NTAQ1: variants seen among roughly 807,000 people sequenced by gnomAD.
The protein encoded by NTAQ1 is N-terminal glutamine amidase 1.
In NTAQ1, 21 loss-of-function variants were observed where a neutral mutation model predicts 28.2. That is an observed-to-expected ratio of 0.74 (90% CI 0.53 to 1.07). The LOEUF (loss-of-function observed/expected upper bound fraction) is 1.07, where lower values mean the gene tolerates loss of function less well. Ranked by LOEUF, NTAQ1 falls within the 50% of genes least tolerant of loss-of-function variation. The probability of loss-of-function intolerance (pLI) is 0.00; values close to 1 mark genes in which losing one functional copy is unlikely to be tolerated. For missense variants in NTAQ1, 264 were observed against 256.6 expected, an observed-to-expected ratio of 1.03 and a Z score of -0.20; for synonymous variants, 105 against 90.0, an observed-to-expected ratio of 1.17 and a Z score of -0.94.
In NTAQ1 at chr8:123,427,294, C is replaced by T. The variant is rs1814119331; in HGVS notation, c.84-630C>T. 2.4e-5 allele frequency among the ~76,000 whole-genome samples: 3 copies of T among 127,616 alleles called. No individual in the cohort carries two copies. The South Asian group carries it at 7.8e-4, about 33-fold the overall frequency. 83.7% of individuals were successfully genotyped at this position (127,616 alleles called of 152,430 possible). On this transcript the variant is annotated intron_variant, in intron 1 of 5. Coordinates refer to ENST00000287387, the MANE Select transcript of NTAQ1 (RefSeq NM_018024.3). ...TGAGTTGGAGTCTTGCTCTGTTGTC[C>T]AGGCTAGAGTGCAGTGGTGTGATCT...
intron 1 of NTAQ1, 22 bp downstream of exon 1, chr8:123,416,954 C>A: frequency 6.9e-7 from 1 of 1,449,942 alleles, no homozygotes; most frequent in Non-Finnish European, 9.1e-7. Flanking sequence ...CGGGCGCAGC[C>A]TCTGGGTCTC....
chr8:123,439,437 G>A (rs1814915682), intron 5 of NTAQ1, among the ~76,000 whole-genome samples: 1 of 151,696 alleles, frequency 6.6e-6, no homozygotes, highest in African/African-American at 2.4e-5. Context: ...CCGCCTCCCG[G>A]GTTCATGCCA....
At chr8:123,470,400 G>T (rs1275696775), downstream of NTAQ1, among the ~76,000 whole-genome samples, 1 of 152,200 alleles carries the variant, frequency 6.6e-6, no homozygotes, top group South Asian at 2.1e-4. Flanking sequence ...TGAGATGGAC[G>T]CATTTTATAA....
chr8:123,427,744 A>G (rs1307008551), intron 1 of NTAQ1, among the ~76,000 whole-genome samples, 180 bp from the exon 2 acceptor site: 2 of 152,212 alleles, frequency 1.3e-5, no homozygotes, highest in South Asian at 2.1e-4. Context: ...TACACACAGT[A>G]TAGGTTGAAT....
intron 6 of NTAQ1, among the ~76,000 whole-genome samples, chr8:123,460,529 A>G (rs1815792259): frequency 6.6e-6 from 1 of 152,182 alleles, no homozygotes; most frequent in Non-Finnish European, 1.5e-5. Flanking sequence ...CCAAGGGGAA[A>G]AGATGGAGTG....
chr8:123,452,183 C>T (rs1290406437), downstream of NTAQ1, among the ~76,000 whole-genome samples: 2 of 152,234 alleles, frequency 1.3e-5, no homozygotes, highest in African/African-American at 4.8e-5. Context: ...TTGCTCCAAG[C>T]TGACCACTCA....
chr8:123,441,819 T>C lies in NTAQ1; in HGVS notation c.*404T>C, dbSNP rs994212296. ...GGCCCATTGCTCTGTGAATCTCAAA[T>C]GCCCATAAAAGGTGCCCATAAAATG... On this transcript the variant is annotated 3_prime_UTR_variant, in exon 6 of 6. Coordinates refer to ENST00000287387, the MANE Select transcript of NTAQ1 (RefSeq NM_018024.3). 1.2e-5 allele frequency: 2 copies of C among 170,128 alleles called. No homozygotes were observed. The highest frequency in any genetic ancestry group is 4.7e-5 in the African/African-American group (2 of 42,164). 10.5% of individuals were successfully genotyped at this position (170,128 alleles called of 1,614,324 possible).
intron 3 of NTAQ1, 91 bp from the exon 4 acceptor site, chr8:123,436,362 A>C: frequency 7.7e-7 from 1 of 1,303,420 alleles, no homozygotes. Context: ...TAGCAGTCCT[A>C]TATCCTTTTT....
At chr8:123,419,773 TTCCCTCCC>T (rs141691234) in intron 1 of NTAQ1, among the ~76,000 whole-genome samples, 3 of 94,114 alleles carry the variant, frequency 3.2e-5, no homozygotes, top group Non-Finnish European at 4.2e-5. Flanking sequence ...CCTTCCTTTC[TTCCCTCCC>T]TCCCTCCCTC....
At chr8:123,418,760 T>C (rs4871366) in intron 1 of NTAQ1, among the ~76,000 whole-genome samples, 100,309 of 152,032 alleles carry the variant, frequency 0.66, 33,811 homozygotes, top group East Asian at 0.93. Flanking sequence ...AGAGCAGTCT[T>C]GTAGAAGAAT....
chr8:123,425,913 A>C (rs956165843), intron 1 of NTAQ1, among the ~76,000 whole-genome samples: 2 of 152,158 alleles, frequency 1.3e-5, no homozygotes, highest in African/African-American at 4.8e-5. Flanking sequence ...AGTCCCAGCT[A>C]CTTGGGAGGC....
rs1282191273 is a variant in NTAQ1 at position 123,442,195 on chromosome 8, C to T, written c.*780C>T. 6.6e-6 allele frequency: 1 copy of T among 152,196 alleles called. No individual in the cohort carries two copies. The highest frequency in any genetic ancestry group is 1.9e-4 in the East Asian group (1 of 5,198). 9.4% of individuals were successfully genotyped at this position (152,196 alleles called of 1,614,324 possible). A position where few individuals can be genotyped will look rare whatever the true frequency, so the allele number is the denominator to read the frequency against. ...TCCAAATGAAAGATATTTGGCATTACATTGGCATATAGTACCAGCTCTCAT... is the reference window on the plus strand; with the variant it reads ...TCCAAATGAAAGATATTTGGCATTATATTGGCATATAGTACCAGCTCTCAT... On this transcript the variant is annotated 3_prime_UTR_variant, in exon 6 of 6. Transcript: ENST00000287387.
At position 123,455,909 on chromosome 8, in the gene NTAQ1, A is replaced by C. The variant is rs114670006; in HGVS notation, c.373-11170A>C. ...TTCCAAAGTGGTGGCTGGTGTGGCT[A>C]ATTACAGAAAGTGGCAAGAGAGGTC... On this transcript the variant is annotated intron_variant, in intron 6 of 6. Transcript: ENST00000650311. Among the ~76,000 whole-genome samples the C allele has an allele frequency of 3.0e-3, 464 of 152,282 alleles. 4 individuals carry two copies. Among genetic ancestry groups the C allele is most frequent in the African/African-American group, 0.011 (445 of 41,564 alleles).
downstream of NTAQ1, among the ~76,000 whole-genome samples, chr8:123,443,060 C>T (rs1248514848): frequency 6.6e-6 from 1 of 151,716 alleles, no homozygotes; most frequent in Admixed American, 6.6e-5. Context: ...CACTCTGTCG[C>T]CCAGGCTGGA....
chr8:123,439,616 G>T (rs1814926612), intron 5 of NTAQ1, among the ~76,000 whole-genome samples: 1 of 152,018 alleles, frequency 6.6e-6, no homozygotes, highest in Admixed American at 6.6e-5. Flanking sequence ...AAAGTGCTGG[G>T]ATTACAGGCG....
Position 123,416,952 on chromosome 8 carries a change from GCC to G in NTAQ1, c.83+21_83+22del. ...CTACTGGTGAGGGGGCGCGGGCGCAGCCTCTGGGTCTCCCAGGCTCCCGGGCG... is the reference window on the plus strand; with the variant it reads ...CTACTGGTGAGGGGGCGCGGGCGCAGTCTGGGTCTCCCAGGCTCCCGGGCG... On this transcript the variant is annotated intron_variant, in intron 1 of 5. Coordinates refer to ENST00000287387, the MANE Select transcript of NTAQ1 (RefSeq NM_018024.3). The G allele has an allele frequency of 6.9e-7, 1 of 1,454,956 alleles. No individual in the cohort carries two copies. Among genetic ancestry groups the G allele is most frequent in the Non-Finnish European group, 9.1e-7 (1 of 1,099,212 alleles). 90.1% of individuals were successfully genotyped at this position (1,454,956 alleles called of 1,614,324 possible).
intron 2 of NTAQ1, among the ~76,000 whole-genome samples, chr8:123,428,503 CCTTA>C (rs1814205542): frequency 6.6e-6 from 1 of 152,044 alleles, no homozygotes; most frequent in African/African-American, 2.4e-5. Context: ...CAGCTTAGTC[CCTTA>C]CTTTAGGTAA....
chr8:123,467,295 T>A (rs917548954), exon 7 of NTAQ1: 19 of 152,086 alleles, frequency 1.2e-4, no homozygotes, highest in African/African-American at 4.6e-4. Context: ...CTTGGCCTCC[T>A]AAACTGCTGG....
rs775244979 is a variant in NTAQ1, at chr8:123,436,541, T to G, written c.323T>G (p.Phe108Cys). ...ACTGTCTTGCCATTTCCCTGCCTCT[T>G]TGACACTTATGTAGAAGATGCCTTT... ...LDTVLPFPCL[F>C]DTYVEDAFKS... Residue 108 changes from phenylalanine to cysteine, a missense_variant, in exon 4 of 6, where the codon TTT (phenylalanine) becomes TGT (cysteine). Coordinates refer to ENST00000287387, the MANE Select transcript of NTAQ1 (RefSeq NM_018024.3). 38 of 1,613,942 alleles carry G rather than the reference T, an allele frequency of 2.4e-5. No individual in the cohort carries two copies. The highest frequency in any genetic ancestry group is 3.1e-5 in the Non-Finnish European group (37 of 1,179,966).
Sources: allele counts gnomAD v4.1 joint callset (sites outside exome capture counted in the v4.1 genomes callset), GRCh38; gene constraint gnomAD v4.1.1; transcripts MANE v1.5; gene names NCBI Gene and HGNC (gene_info 2026-07-23, HGNC 2026-07-21).